The following STAU2 variants were observed in gnomAD, a reference collection of about 807,000 sequenced individuals.
STAU2 encodes the protein staufen double-stranded RNA binding protein 2.
Under a neutral mutation model 65.9 loss-of-function variants are expected in STAU2, and 20 were observed. The observed-to-expected ratio is 0.30, with a 90% CI of 0.21 to 0.44. STAU2 has a LOEUF of 0.44. Among genes scored for constraint, STAU2 ranks in the 20% least tolerant of loss-of-function variants. STAU2 has a pLI of 1.00. For missense variants in STAU2, 558 were observed against 683.9 expected, an observed-to-expected ratio of 0.82 and a Z score of 2.05; for synonymous variants, 232 against 233.9, an observed-to-expected ratio of 0.99 and a Z score of 0.07.
chr8:73,554,677 A>G (rs557465067), intron 12 of STAU2, among the ~76,000 whole-genome samples: 51 of 152,346 alleles, frequency 3.3e-4, no homozygotes, highest in African/African-American at 1.2e-3. Flanking sequence ...AAAATTGCCT[A>G]TAAATTATTG....
chr8:73,471,942 G>A (rs1196787211), intron 13 of STAU2, among the ~76,000 whole-genome samples: 1 of 151,896 alleles, frequency 6.6e-6, no homozygotes, highest in Non-Finnish European at 1.5e-5. Context: ...AGCATTGTAC[G>A]ACAGAACCAG....
chr8:73,660,831 A>C (rs962497724), intron 6 of STAU2, among the ~76,000 whole-genome samples: 7 of 152,196 alleles, frequency 4.6e-5, no homozygotes, highest in African/African-American at 1.7e-4. Context: ...AAATATCCAT[A>C]TGCAATAGAG....
At chr8:73,724,312 G>A (rs986340279) in intron 3 of STAU2, among the ~76,000 whole-genome samples, 5 of 152,096 alleles carry the variant, frequency 3.3e-5, no homozygotes, top group African/African-American at 1.2e-4. Flanking sequence ...ATGGACCAGA[G>A]GCAAAAGTCC....
At chr8:73,739,699 G>C in intron 2 of STAU2, 57 bp downstream of exon 2, 1 of 1,402,672 alleles carries the variant, frequency 7.1e-7, no homozygotes, top group African/African-American at 1.5e-5. Context: ...GCTGTATAAA[G>C]AGCACACGGC....
chr8:73,668,531 C>G (rs116754940), intron 6 of STAU2, among the ~76,000 whole-genome samples: 1 of 152,160 alleles, frequency 6.6e-6, no homozygotes, highest in Non-Finnish European at 1.5e-5. Flanking sequence ...TTCAGCCATT[C>G]TATTTCTCTA....
intron 12 of STAU2, among the ~76,000 whole-genome samples, chr8:73,566,628 G>C (rs1231095134): frequency 6.6e-6 from 1 of 152,132 alleles, no homozygotes; most frequent in Admixed American, 6.6e-5. Flanking sequence ...AGTGGCAACT[G>C]CAGAGACCCT....
At chr8:73,538,783 G>T (rs1006979091) in intron 13 of STAU2, among the ~76,000 whole-genome samples, 2 of 151,876 alleles carry the variant, frequency 1.3e-5, no homozygotes, top group African/African-American at 4.8e-5. Context: ...ATTTGCAAAA[G>T]ATAAGAAGAA....
intron 6 of STAU2, among the ~76,000 whole-genome samples, chr8:73,667,420 A>T (rs189911075): frequency 6.6e-6 from 1 of 152,248 alleles, no homozygotes; most frequent in Admixed American, 6.5e-5. Flanking sequence ...CTCATTCCAG[A>T]CTTACCGAAC....
chr8:73,488,609 C>G (rs529271978), intron 13 of STAU2, among the ~76,000 whole-genome samples: 2 of 151,330 alleles, frequency 1.3e-5, no homozygotes, highest in Non-Finnish European at 2.9e-5. Flanking sequence ...GATTCAGTTA[C>G]TTAAACTGTT....
At chr8:73,613,295 A>G (rs1282448455) in intron 9 of STAU2, among the ~76,000 whole-genome samples, 1 of 152,190 alleles carries the variant, frequency 6.6e-6, no homozygotes, top group Admixed American at 6.5e-5. Context: ...AGAAGTTACT[A>G]TGCAACAGCC....
At chr8:73,515,762 A>G (rs996535744) in intron 13 of STAU2, among the ~76,000 whole-genome samples, 11 of 145,634 alleles carry the variant, frequency 7.6e-5, no homozygotes, top group Middle Eastern at 3.5e-3. Flanking sequence ...CCCTGTGCTG[A>G]AAAAATTTCT....
At chr8:73,621,219 T>C (rs541257169) in intron 6 of STAU2, among the ~76,000 whole-genome samples, 5 of 152,266 alleles carry the variant, frequency 3.3e-5, no homozygotes, top group African/African-American at 1.2e-4. Flanking sequence ...TGGGGGCGGT[T>C]TCCCCCATGG....
At chr8:73,690,568 A>G (rs1024190563) in intron 4 of STAU2, among the ~76,000 whole-genome samples, 1 of 152,134 alleles carries the variant, frequency 6.6e-6, no homozygotes. Context: ...TACAAGATAG[A>G]TATGTAAGTA....
chr8:73,492,959 TA>T (rs1277958088), intron 13 of STAU2, among the ~76,000 whole-genome samples: 1 of 151,798 alleles, frequency 6.6e-6, no homozygotes, highest in African/African-American at 2.4e-5. Context: ...GCTACAGTAG[TA>T]ATAGCAAATG....
intron 12 of STAU2, among the ~76,000 whole-genome samples, chr8:73,577,410 G>A (rs1809649122): frequency 6.9e-6 from 1 of 144,480 alleles, no homozygotes; most frequent in African/African-American, 2.6e-5. Flanking sequence ...CTGGGCGACA[G>A]AGCAAGACTC....
Position 73,421,279 on chromosome 8 carries a change from G to A in STAU2, c.*93C>T. 9.8e-7 allele frequency: 1 copy of A among 1,017,352 alleles called. No individual in the cohort carries two copies. The highest frequency in any genetic ancestry group is 1.4e-5 in the South Asian group (1 of 72,142). The allele number at this position is 1,017,352 out of a possible 1,614,324, so 63.0% of individuals were successfully genotyped here. A position where few individuals can be genotyped will look rare whatever the true frequency, so the allele number is the denominator to read the frequency against. The stretch of plus-strand genomic sequence containing the variant: ...TGTCTTCACATAAGACTCAAATAAT[G>A]GTATTAGTCATTCATTTCCCTGAAC... On this transcript the variant is annotated 3_prime_UTR_variant, in exon 15 of 15. Coordinates refer to ENST00000524300, the MANE Select transcript of STAU2 (RefSeq NM_001164380.2).
At chr8:73,459,036 G>T (rs149375647) in intron 13 of STAU2, among the ~76,000 whole-genome samples, 5 of 152,090 alleles carry the variant, frequency 3.3e-5, no homozygotes, top group Non-Finnish European at 5.9e-5. Context: ...TTATTTTATC[G>T]AATGGAAGCC....
intron 13 of STAU2, among the ~76,000 whole-genome samples, chr8:73,519,946 G>C (rs1313906335): frequency 1.3e-5 from 2 of 152,200 alleles, no homozygotes; most frequent in African/African-American, 2.4e-5. Context: ...AGGAAGCAGA[G>C]TTTTAACTCT....
At chr8:73,745,946 C>A in intron 1 of STAU2, among the ~76,000 whole-genome samples, 1 of 151,858 alleles carries the variant, frequency 6.6e-6, no homozygotes, top group East Asian at 1.9e-4. Context: ...CCCCAAGCCA[C>A]AGCCCCCGGC....
Sources: allele counts gnomAD v4.1 joint callset (sites outside exome capture counted in the v4.1 genomes callset), GRCh38; gene constraint gnomAD v4.1.1; transcripts MANE v1.5; gene names NCBI Gene and HGNC (gene_info 2026-07-23, HGNC 2026-07-21).